CDH18: variants seen among roughly 807,000 people sequenced by gnomAD.
CDH18 encodes cadherin 18.
In CDH18, 31 loss-of-function variants were observed where a neutral mutation model predicts 67.9. The ratio of observed to expected loss-of-function variants is 0.46; its 90% CI spans 0.34 to 0.62. The LOEUF (loss-of-function observed/expected upper bound fraction) is 0.62, where lower values mean the gene tolerates loss of function less well. Among genes scored for constraint, CDH18 ranks in the 20% least tolerant of loss-of-function variants. The pLI is 0.01. For missense variants in CDH18, 890 were observed against 975.5 expected (o/e 0.91, Z 1.17); for synonymous variants, 362 against 347.2 (o/e 1.04, Z -0.48).
intron 1 of CDH18, among the ~76,000 whole-genome samples, chr5:20,487,758 CATAT>C (rs35706215): frequency 1.3e-5 from 2 of 150,250 alleles, no homozygotes; most frequent in East Asian, 1.9e-4. Flanking sequence ...AAATAGCATG[CATAT>C]ATATATATAT....
chr5:20,019,617 C>T (rs1738218292), intron 2 of CDH18, among the ~76,000 whole-genome samples: 1 of 152,172 alleles, frequency 6.6e-6, no homozygotes, highest in South Asian at 2.1e-4. Flanking sequence ...CACCTTCTGC[C>T]ATGATTGTAC....
At chr5:19,715,453 G>T (rs949495546) in intron 5 of CDH18, among the ~76,000 whole-genome samples, 1 of 152,120 alleles carries the variant, frequency 6.6e-6, no homozygotes, top group African/African-American at 2.4e-5. Context: ...GTTTCAGACA[G>T]AGCATGGCAG....
At chr5:19,527,692 A>G (rs972828006) in intron 9 of CDH18, among the ~76,000 whole-genome samples, 2 of 151,866 alleles carry the variant, frequency 1.3e-5, no homozygotes, top group Admixed American at 1.3e-4. Context: ...CAAAAATTAC[A>G]AAGCATTTAG....
chr5:20,458,409 G>A (rs1750989967), intron 1 of CDH18, among the ~76,000 whole-genome samples: 1 of 152,152 alleles, frequency 6.6e-6, no homozygotes, highest in Admixed American at 6.5e-5. Flanking sequence ...CCTGAGGCTG[G>A]TAGTTCGAGA....
At chr5:20,039,614 C>G (rs1345091890) in intron 2 of CDH18, among the ~76,000 whole-genome samples, 1 of 151,934 alleles carries the variant, frequency 6.6e-6, no homozygotes, top group African/African-American at 2.4e-5. Context: ...CTCCATTTAA[C>G]AAATCTTGTT....
chr5:20,035,301 A>G (rs2150460123), intron 2 of CDH18, among the ~76,000 whole-genome samples: 1 of 152,146 alleles, frequency 6.6e-6, no homozygotes, highest in South Asian at 2.1e-4. Flanking sequence ...ATTTACAATT[A>G]TTTATTTTAA....
At chr5:20,450,743 A>G (rs1169957781) in intron 1 of CDH18, among the ~76,000 whole-genome samples, 2 of 152,176 alleles carry the variant, frequency 1.3e-5, no homozygotes, top group Non-Finnish European at 2.9e-5. Context: ...CACACTACAT[A>G]TGAAAAAACT....
At chr5:19,847,283 T>C (rs1783096490) in intron 2 of CDH18, among the ~76,000 whole-genome samples, 1 of 152,208 alleles carries the variant, frequency 6.6e-6, no homozygotes, top group Admixed American at 6.5e-5. Context: ...CTACTTGATG[T>C]TGTTCCATAT....
intron 1 of CDH18, among the ~76,000 whole-genome samples, chr5:20,276,445 G>A (rs1330617423): frequency 2.0e-5 from 3 of 152,158 alleles, no homozygotes; most frequent in Admixed American, 2.0e-4. Flanking sequence ...GGCCAGAAGG[G>A]AACCCACTGT....
chr5:19,760,598 C>T (rs1772199299), intron 3 of CDH18, among the ~76,000 whole-genome samples: 1 of 152,190 alleles, frequency 6.6e-6, no homozygotes, highest in African/African-American at 2.4e-5. Context: ...ACTCTGTGTT[C>T]CTTCCACCAT....
At chr5:19,576,847 T>C (rs1422556669) in intron 7 of CDH18, among the ~76,000 whole-genome samples, 1 of 152,096 alleles carries the variant, frequency 6.6e-6, no homozygotes, top group African/African-American at 2.4e-5. Context: ...AAAGTATTCA[T>C]CCACGAATAA....
At chr5:20,320,357 A>C (rs560754250) in intron 1 of CDH18, among the ~76,000 whole-genome samples, 129 of 152,216 alleles carry the variant, frequency 8.5e-4, no homozygotes, top group Non-Finnish European at 1.4e-3. Flanking sequence ...GTCACACACA[A>C]AAAAAAGAAC....
intron 2 of CDH18, among the ~76,000 whole-genome samples, chr5:20,188,264 A>G (rs1410831594): frequency 6.6e-6 from 1 of 152,034 alleles, no homozygotes; most frequent in East Asian, 1.9e-4. Flanking sequence ...CCTCATGTTG[A>G]AGCTATAGTT....
rs184456074 is a variant in CDH18 at position 19,507,034 on chromosome 5, C to T, written c.1513-3925G>A. On this transcript the variant is annotated intron_variant, in intron 10 of 12. Transcript: ENST00000382275. ...TCAAAGGGCTAATATCCAGAATCTA[C>T]AATGAACTCAAACAAATTTACAAGA... is the stretch of plus-strand genomic sequence containing the variant. Among the ~76,000 whole-genome samples, 36 of 152,254 alleles carry T rather than the reference C, an allele frequency of 2.4e-4. No individual in the cohort carries two copies. In the East Asian group the frequency reaches 6.6e-3, roughly 28 times the overall value.
chr5:19,553,886 G>T (rs1053889928), intron 8 of CDH18, among the ~76,000 whole-genome samples: 1 of 151,726 alleles, frequency 6.6e-6, no homozygotes, highest in African/African-American at 2.4e-5. Context: ...CTCTCGCCTC[G>T]ACCTTCCAAA....
chr5:20,167,413 A>G (rs969736085), intron 2 of CDH18, among the ~76,000 whole-genome samples: 4 of 152,000 alleles, frequency 2.6e-5, no homozygotes, highest in Non-Finnish European at 5.9e-5. Flanking sequence ...AAATTTATTC[A>G]ATGATGCAAA....
chr5:20,179,422 T>C (rs1737506953), intron 2 of CDH18, among the ~76,000 whole-genome samples: 1 of 152,204 alleles, frequency 6.6e-6, no homozygotes, highest in African/African-American at 2.4e-5. Context: ...TTTGGGATTA[T>C]TAAGTAAACT....
chr5:19,633,247 T>A (rs1752662930), intron 5 of CDH18, among the ~76,000 whole-genome samples: 1 of 152,192 alleles, frequency 6.6e-6, no homozygotes, highest in Admixed American at 6.5e-5. Context: ...TCCACAAATA[T>A]TAAATACAGC....
chr5:19,771,562 T>C (rs975567667), intron 3 of CDH18, among the ~76,000 whole-genome samples: 4 of 152,184 alleles, frequency 2.6e-5, no homozygotes, highest in Non-Finnish European at 4.4e-5. Flanking sequence ...ATCACAGCCA[T>C]GAGAGTTCCT....
Sources: gnomAD v4.1 joint callset for allele counts (sites outside exome capture counted in the v4.1 genomes callset) on GRCh38, gnomAD v4.1.1 for gene constraint, MANE v1.5 for transcripts, NCBI Gene and HGNC (gene_info 2026-07-23, HGNC 2026-07-21) for gene names.